PTCH1: variants seen among roughly 807,000 people sequenced by gnomAD.
PTCH1 encodes protein patched homolog 1.
In PTCH1, 14 loss-of-function variants were observed where a neutral mutation model predicts 144.6. That is an observed-to-expected ratio of 0.10 (90% CI 0.06 to 0.15). The LOEUF (loss-of-function observed/expected upper bound fraction) is 0.15, where lower values mean the gene tolerates loss of function less well. Ranked by LOEUF, PTCH1 falls within the 10% of genes least tolerant of loss-of-function variation. The pLI, the probability that PTCH1 is intolerant of heterozygous loss-of-function variation, is 1.00. For missense variants in PTCH1, 1,623 were observed against 1,948.3 expected, an observed-to-expected ratio of 0.83 and a Z score of 3.14; for synonymous variants, 833 against 793.6, an observed-to-expected ratio of 1.05 and a Z score of -0.83.
At chr9:95,490,095 C>A (rs971090316) in intron 2 of PTCH1, among the ~76,000 whole-genome samples, 1 of 151,806 alleles carries the variant, frequency 6.6e-6, no homozygotes, top group South Asian at 2.1e-4. Flanking sequence ...AGCCACTGCA[C>A]CTGGCCGGAC....
At chr9:95,513,576 C>G (rs1048804475), upstream of PTCH1, among the ~76,000 whole-genome samples, 18 of 152,084 alleles carry the variant, frequency 1.2e-4, no homozygotes, top group African/African-American at 4.1e-4. Context: ...TGAGTTGAGT[C>G]GACTCAACTC....
rs760253622 is a variant in PTCH1 at position 95,506,428 on chromosome 9, C to T, written c.373G>A (p.Val125Met). The change falls in exon 2 of 24, where the codon GTG (valine) becomes ATG (methionine). Residue 125 changes from valine (V) to methionine (M), a missense_variant. By Grantham distance (21) the Val-to-Met change is conservative. Transcript: ENST00000331920. ...GLKAANLETN[V>M]EELWVEVGGR... ...TTACCTTCCACCCACAGCTCCTCCA[C>T]GTTGGTCTCGAGGTTCGCTGCTTTT... is the stretch of plus-strand genomic sequence containing the variant. The T allele has an allele frequency of 5.6e-6, 9 of 1,612,266 alleles. 1 individual carries two copies. In the South Asian group the frequency reaches 8.8e-5, roughly 16 times the overall value.
At chr9:95,446,620 G>T (rs1837917367) in intron 23 of PTCH1, 2 of 533,608 alleles carry the variant, frequency 3.7e-6, no homozygotes, top group Non-Finnish European at 6.8e-6. Context: ...CCTCCATAAA[G>T]ACTGGCAAAT....
intron 2 of PTCH1, among the ~76,000 whole-genome samples, chr9:95,488,909 G>A (rs1262703570): frequency 6.6e-6 from 1 of 152,226 alleles, no homozygotes; most frequent in East Asian, 1.9e-4. Flanking sequence ...AGAAGAACCA[G>A]CAACTGCAAA....
chr9:95,464,879 C>A (rs570942593), intron 15 of PTCH1, among the ~76,000 whole-genome samples: 2 of 152,274 alleles, frequency 1.3e-5, no homozygotes, highest in South Asian at 4.2e-4. Context: ...ACCACATCAA[C>A]CATTCAACAG....
intron 22 of PTCH1, among the ~76,000 whole-genome samples, chr9:95,447,859 C>T (rs754606675): frequency 1.3e-5 from 2 of 152,230 alleles, no homozygotes; most frequent in African/African-American, 2.4e-5. Context: ...GCAGGACTGT[C>T]TCTGCCTACT....
rs766089412 is a variant in PTCH1 at position 95,447,335 on chromosome 9, G to A, written c.3921C>T (p.Pro1307=). 3.7e-6 allele frequency: 6 copies of A among 1,610,344 alleles called. No individual in the cohort carries two copies. The highest frequency in any genetic ancestry group is 5.1e-6 in the Non-Finnish European group (6 of 1,177,566). Residue 1307 remains proline, a synonymous_variant, in exon 23 of 24, where the codon CCC becomes CCT. Coordinates refer to ENST00000331920, the MANE Select transcript of PTCH1 (RefSeq NM_000264.5). ...AGGGGGGTGGCCACAAGCCTTCTCT[G>A]GGGGGGTCCCTGCGGGGCTGCTGGC... ...RQGQQPRRDP[P]REGLWPPPYR...
chr9:95,495,585 G>C (rs1037521418), intron 2 of PTCH1, among the ~76,000 whole-genome samples: 2 of 152,050 alleles, frequency 1.3e-5, no homozygotes, highest in Non-Finnish European at 2.9e-5. Context: ...CAAGCAGTTT[G>C]GGAAGAGTTG....
At chr9:95,502,305 C>T (rs1013037633) in intron 2 of PTCH1, among the ~76,000 whole-genome samples, 1 of 152,228 alleles carries the variant, frequency 6.6e-6, no homozygotes, top group African/African-American at 2.4e-5. Context: ...AGTCCGTGTA[C>T]CTGCTGAATG....
intron 16 of PTCH1, among the ~76,000 whole-genome samples, chr9:95,461,204 A>T (rs1420223162): frequency 6.6e-6 from 1 of 152,144 alleles, no homozygotes; most frequent in Non-Finnish European, 1.5e-5. Context: ...GGCAGCAAGA[A>T]GATGCAAACA....
At chr9:95,453,641 C>A (rs2136632570) in intron 19 of PTCH1, 21 bp from the exon 20 acceptor site, 1 of 1,612,864 alleles carries the variant, frequency 6.2e-7, no homozygotes, top group Non-Finnish European at 8.5e-7. Flanking sequence ...AGGATGTTCA[C>A]AAGATCAGGT....
chr9:95,471,091 A>G (rs1010356554), intron 12 of PTCH1, among the ~76,000 whole-genome samples: 11 of 120,076 alleles, frequency 9.2e-5, no homozygotes, highest in East Asian at 2.2e-4. Context: ...TCAAAAAAAA[A>G]AAAGAAAGAA....
rs756682973 is a variant in PTCH1, at chr9:95,476,124, G to A, written c.1638C>T (p.Ala546=). Residue 546 remains alanine (A), a synonymous_variant, in exon 12 of 24, where the codon GCC becomes GCT. Transcript: ENST00000331920. This position sits in a 1 kb window ranked among gnomAD's most constrained non-coding sequence, Gnocchi z 4.6. ...RTGECLKRTG[A]SVALTSISNV... is the part of the protein sequence containing the mutation. ...TGCTGATGGACGTGAGGGCCACGCTGGCTCCTGTGCGCTTCAGGCACTCCC... is the reference window on the plus strand; with the variant it reads ...TGCTGATGGACGTGAGGGCCACGCTAGCTCCTGTGCGCTTCAGGCACTCCC... 3 of 1,613,508 alleles carry A rather than the reference G, an allele frequency of 1.9e-6. No individual in the cohort carries two copies. The Admixed American group carries it at 5.0e-5, about 27-fold the overall frequency.
chr9:95,483,889 T>C (rs1224448180), intron 3 of PTCH1: 3 of 152,200 alleles, frequency 2.0e-5, no homozygotes, highest in Admixed American at 6.5e-5. Context: ...AAGGACATCA[T>C]TGTGCATTAG....
chr9:95,443,199 C>T lies in PTCH1; in HGVS notation c.*3194G>A, dbSNP rs947828601. The T allele has an allele frequency of 6.6e-6, 1 of 152,152 alleles. No homozygotes were observed. The highest frequency in any genetic ancestry group is 1.5e-5 in the Non-Finnish European group (1 of 68,026). The allele number at this position is 152,152 out of a possible 1,614,324, so 9.4% of individuals were successfully genotyped here. A position where few individuals can be genotyped will look rare whatever the true frequency, so the allele number is the denominator to read the frequency against. On this transcript the variant is annotated 3_prime_UTR_variant, in exon 24 of 24. Transcript: ENST00000331920. The stretch of plus-strand genomic sequence containing the variant: ...GATCACACTAAAAGCTCAGCCCCCA[C>T]TTTGTAATACATCCATGTAACAGAG...
At chr9:95,457,934 T>C in intron 18 of PTCH1, 79 bp downstream of exon 18, 2 of 1,571,782 alleles carry the variant, frequency 1.3e-6, no homozygotes, top group Non-Finnish European at 1.7e-6. Flanking sequence ...GGCCCAGACA[T>C]AAACAAAACT....
Position 95,449,934 on chromosome 9 carries a change from G to C in PTCH1, c.3456C>G (p.Phe1152Leu). The stretch of plus-strand genomic sequence containing the variant: ...TGGTGAGGATCGCCAGCACAGCAAA[G>C]AAATACCTGGGAGATCAAGAGGAAA... Reference protein sequence around the residue: ...GSEFDFIVRYFFAVLAILTIL... With the variant: ...GSEFDFIVRYLFAVLAILTIL... Residue 1152 changes from phenylalanine to leucine, a missense_variant, in exon 21 of 24, where the codon TTC becomes TTG. This residue lies in a region of PTCH1 where 504 missense variants were observed against 679.3 expected (regional missense o/e 0.74). Transcript: ENST00000331920. The surrounding 1 kb of genome is among the most constrained non-coding windows in gnomAD (Gnocchi z 5.3). 1 of 1,614,028 alleles carries C rather than the reference G, an allele frequency of 6.2e-7. No individual in the cohort carries two copies. Among genetic ancestry groups the C allele is most frequent in the Non-Finnish European group, 8.5e-7 (1 of 1,179,938 alleles).
At chr9:95,451,504 G>A (rs1451972148) in intron 20 of PTCH1, 1 of 152,176 alleles carries the variant, frequency 6.6e-6, no homozygotes, top group Non-Finnish European at 1.5e-5. Flanking sequence ...GTTTCCAGCT[G>A]GGGGCTCTAA....
chr9:95,506,936 C>T lies in PTCH1; in HGVS notation c.202-337G>A, dbSNP rs984845570. 2 of 1,045,476 alleles carry T rather than the reference C, an allele frequency of 1.9e-6. No homozygotes were observed. Among genetic ancestry groups the T allele is most frequent in the African/African-American group, 1.7e-5 (1 of 59,332 alleles). 64.8% of individuals were successfully genotyped at this position (1,045,476 alleles called of 1,614,324 possible). A position where few individuals can be genotyped will look rare whatever the true frequency, so the allele number is the denominator to read the frequency against. On this transcript the variant is annotated intron_variant, in intron 1 of 23. Transcript: ENST00000331920. ...AACCACTCGACACAGACAATATTCA[C>T]CCCAGAGCTGAGAAGGGAGGGGCTG... is the stretch of plus-strand genomic sequence containing the variant.
Sources: allele counts gnomAD v4.1 joint callset (sites outside exome capture counted in the v4.1 genomes callset), GRCh38; gene constraint gnomAD v4.1.1; regional missense constraint gnomAD v4.1.1; non-coding constraint Gnocchi (gnomAD v3.1); transcripts MANE v1.5; gene names NCBI Gene and HGNC (gene_info 2026-07-23, HGNC 2026-07-21).